The following CPNE1 variants were observed in gnomAD, a reference collection of about 807,000 sequenced individuals.
CPNE1 encodes copine 1.
A neutral mutation model predicts 63.2 loss-of-function variants in CPNE1; 58 were observed. The observed-to-expected ratio is 0.92, with a 90% CI of 0.74 to 1.14. The LOEUF (loss-of-function observed/expected upper bound fraction) is 1.14. Among genes scored for constraint, CPNE1 ranks in the 50% most tolerant of loss-of-function variants. The pLI, the probability that CPNE1 is intolerant of heterozygous loss-of-function variation, is 0.00. For synonymous variants in CPNE1, 237 were observed against 249.0 expected (o/e 0.95, Z 0.45); for missense variants, 672 against 661.7 (o/e 1.02, Z -0.17).
intron 1 of CPNE1, among the ~76,000 whole-genome samples, chr20:35,640,945 C>A (rs1366515696): frequency 1.3e-5 from 2 of 152,184 alleles, no homozygotes; most frequent in Non-Finnish European, 2.9e-5. Flanking sequence ...CCATTTGGGA[C>A]TAGTCGGGTG....
chr20:35,653,736 C>T (rs2033708266), intron 1 of CPNE1: 13 of 1,614,006 alleles, frequency 8.1e-6, no homozygotes, highest in Non-Finnish European at 1.1e-5. Context: ...GTATCATTTC[C>T]CTCTGGTCAT....
intron 1 of CPNE1, among the ~76,000 whole-genome samples, chr20:35,644,864 T>C (rs1438979014): frequency 6.6e-6 from 1 of 152,196 alleles, no homozygotes; most frequent in East Asian, 1.9e-4. Flanking sequence ...TTACAGGAGT[T>C]GATCAAAGGA....
At chr20:35,628,355 G>T (rs2031904524) in intron 13 of CPNE1, among the ~76,000 whole-genome samples, 1 of 151,624 alleles carries the variant, frequency 6.6e-6, no homozygotes, top group African/African-American at 2.4e-5. Flanking sequence ...TGTGTGATGA[G>T]TATTTGTATA....
chr20:35,631,962 G>A lies in CPNE1; in HGVS notation c.520C>T (p.Leu174=), dbSNP rs1203155969. The part of the protein sequence containing the change: ...FFRQGDGKWH[L]VYRSEVIKNN... ...TCTCATACCTCAGATCTGTACACCA[G>A]GTGCCATTTCCCATCACCCTGGCGG... The change falls in exon 6 of 16, where the codon CTG becomes TTG. Residue 174 remains leucine, a synonymous_variant. Transcript: ENST00000397443. The A allele has an allele frequency of 1.2e-6, 2 of 1,613,996 alleles. No individual in the cohort carries two copies. Among genetic ancestry groups the A allele is most frequent in the Non-Finnish European group, 1.7e-6 (2 of 1,179,958 alleles).
At chr20:35,641,773 T>C (rs2032825093) in intron 1 of CPNE1, among the ~76,000 whole-genome samples, 1 of 152,226 alleles carries the variant, frequency 6.6e-6, no homozygotes, top group Admixed American at 6.5e-5. Context: ...CTCCAGCTTC[T>C]TGCCTGTCAA....
intron 1 of CPNE1, among the ~76,000 whole-genome samples, chr20:35,661,594 A>T (rs959890693): frequency 6.6e-6 from 1 of 152,202 alleles, no homozygotes; most frequent in African/African-American, 2.4e-5. Context: ...CCTAACATAA[A>T]GGCTTGCTTC....
intron 1 of CPNE1, chr20:35,653,035 G>A (rs148642724): frequency 1.5e-4 from 237 of 1,613,740 alleles, no homozygotes; most frequent in Non-Finnish European, 2.1e-5. Context: ...TCCTAGACCA[G>A]GCAAACCACT....
chr20:35,633,662 C>T (rs1464967999), intron 1 of CPNE1, among the ~76,000 whole-genome samples: 1 of 152,158 alleles, frequency 6.6e-6, no homozygotes, highest in Non-Finnish European at 1.5e-5. Context: ...CCTATTAAAA[C>T]ATAAGTGAGG....
chr20:35,653,062 A>G, intron 1 of CPNE1: 2 of 1,613,974 alleles, frequency 1.2e-6, no homozygotes, highest in Non-Finnish European at 1.7e-6. Context: ...AACTGAAGGC[A>G]TACCAGGCCT....
chr20:35,630,463 T>A lies in CPNE1; in HGVS notation c.1078A>T (p.Asn360Tyr), dbSNP rs781648925. 1 of 1,614,164 alleles carries A rather than the reference T, an allele frequency of 6.2e-7. No individual in the cohort carries two copies. Among genetic ancestry groups the A allele is most frequent in the Admixed American group, 1.7e-5 (1 of 60,016 alleles). Residue 360 changes from asparagine to tyrosine, a missense_variant, in exon 13 of 16, where the codon AAC becomes TAC. Coordinates refer to ENST00000397443, the MANE Select transcript of CPNE1 (RefSeq NM_152925.3). ...QVSHEFALNF[N>Y]PSNPYCAGIQ... The stretch of plus-strand genomic sequence containing the variant: ...CCTGCACAGTAGGGGTTACTGGGGT[T>A]GAAATTCAAGGCAAATTCATGCGAG...
rs2031777965 is a variant in CPNE1 at position 35,626,812 on chromosome 20, A to C, written c.1237-9T>G. 1 of 1,608,308 alleles carries C rather than the reference A, an allele frequency of 6.2e-7. No individual in the cohort carries two copies. Among genetic ancestry groups the C allele is most frequent in the African/African-American group, 1.3e-5 (1 of 74,914 alleles). On this transcript the variant is annotated splice_polypyrimidine_tract_variant and intron_variant, in intron 14 of 15. Coordinates refer to ENST00000397443, the MANE Select transcript of CPNE1 (RefSeq NM_152925.3). ...AACAGCATGAAGTATTGCTGGGGAC[A>C]AGCCCATTCATGTCCTGAAGCAGAT...
rs1239195135 is a variant in CPNE1, at chr20:35,632,830, G to A, written c.94C>T (p.Leu32Phe). Residue 32 changes from leucine to phenylalanine, a missense_variant, in exon 2 of 16, where the codon CTT becomes TTT. Physicochemically the swap from Leu to Phe is conservative, Grantham distance 22 (BLOSUM62 0). Coordinates refer to ENST00000397443, the MANE Select transcript of CPNE1 (RefSeq NM_152925.3). The stretch of plus-strand genomic sequence containing the variant: ...CTGCCCCCTCCCACATCCTGTAAAA[G>A]GACGCAGAGTGGGTCAGACTTGGAG... ...IGSKSDPLCV[L>F]LQDVGGGSWA... 2.3e-6 allele frequency: 2 copies of A among 872,872 alleles called. No individual in the cohort carries two copies. The highest frequency in any genetic ancestry group is 3.3e-5 in the African/African-American group (2 of 61,410). The allele number at this position is 872,872 out of a possible 1,614,324, so 54.1% of individuals were successfully genotyped here.
In CPNE1 at chr20:35,626,752, CTT is replaced by C. The variant is rs1026864475; in HGVS notation, c.1286_1287del (p.Glu429GlyfsTer4). ...LLTDGAVTDV[E>X]ATREAVVRAS... The stretch of plus-strand genomic sequence containing the variant: ...GCACGCACCACAGCCTCACGTGTGG[CTT>C]CCACATCCGTCACAGCACCATCAGT... On this transcript the variant is annotated frameshift_variant, in exon 15 of 16. Coordinates refer to ENST00000397443, the MANE Select transcript of CPNE1 (RefSeq NM_152925.3). LOFTEE classifies it high-confidence loss of function. 1.2e-6 allele frequency: 2 copies of C among 1,614,018 alleles called. No homozygotes were observed. Among genetic ancestry groups the C allele is most frequent in the Non-Finnish European group, 1.7e-6 (2 of 1,180,036 alleles).
rs565074540 is a variant in CPNE1, at chr20:35,642,831, A to G, written c.1-9908T>C. ...ATTTGGTTTAGATCCATATACTACT[A>G]AGGAGTCAGGCTGACACAAAGTATT... is the stretch of plus-strand genomic sequence containing the variant. On this transcript the variant is annotated intron_variant, in intron 1 of 15. Coordinates refer to ENST00000397443, the MANE Select transcript of CPNE1 (RefSeq NM_152925.3). Among the ~76,000 whole-genome samples, 7 of 152,314 alleles carry G rather than the reference A, an allele frequency of 4.6e-5. No individual in the cohort carries two copies. The East Asian group carries it at 1.3e-3, about 29-fold the overall frequency.
chr20:35,656,533 T>C (rs758238206), intron 1 of CPNE1, among the ~76,000 whole-genome samples: 1 of 152,154 alleles, frequency 6.6e-6, no homozygotes, highest in African/African-American at 2.4e-5. Flanking sequence ...AAGTCAACTT[T>C]TATTTATTTA....
Position 35,626,313 on chromosome 20 carries a change from C to A in CPNE1, c.1542G>T (p.Arg514Ser). ...EVPTQLVSYF[R>S]AQGWAPLKPL... ...GCTTGAGCGGGGCCCAACCCTGGGC[C>A]CTGAAGTATGAGACCAGTTGTGTGG... Residue 514 changes from arginine (R) to serine (S), a missense_variant, in exon 16 of 16, where the codon AGG (arginine) becomes AGT (serine). Physicochemically the swap from Arg to Ser is moderately radical, Grantham distance 110. Coordinates refer to ENST00000397443, the MANE Select transcript of CPNE1 (RefSeq NM_152925.3). 1 of 1,613,996 alleles carries A rather than the reference C, an allele frequency of 6.2e-7. No individual in the cohort carries two copies. The highest frequency in any genetic ancestry group is 1.1e-5 in the South Asian group (1 of 91,078).
At chr20:35,628,317 A>C (rs2031901060) in intron 13 of CPNE1, among the ~76,000 whole-genome samples, 1 of 151,950 alleles carries the variant, frequency 6.6e-6, no homozygotes, top group Non-Finnish European at 1.5e-5. Flanking sequence ...AATTAAAAAA[A>C]AAAAAACTAG....
At chr20:35,651,853 A>C (rs1450657027) in intron 1 of CPNE1, 2 of 152,674 alleles carry the variant, frequency 1.3e-5, no homozygotes, top group Non-Finnish European at 2.9e-5. Flanking sequence ...TCAAAGTTTG[A>C]GGTTATAGCA....
At chr20:35,639,295 A>T (rs1190601470) in intron 1 of CPNE1, among the ~76,000 whole-genome samples, 1 of 152,176 alleles carries the variant, frequency 6.6e-6, no homozygotes, top group African/African-American at 2.4e-5. Flanking sequence ...ATTTTTTTCA[A>T]CTTTGCTACA....
Sources: gnomAD v4.1 joint callset for allele counts (sites outside exome capture counted in the v4.1 genomes callset) on GRCh38, gnomAD v4.1.1 for gene constraint, MANE v1.5 for transcripts, NCBI Gene and HGNC (gene_info 2026-07-23, HGNC 2026-07-21) for gene names.